The following UNC13C variants were observed in gnomAD, a reference collection of about 807,000 sequenced individuals.
UNC13C encodes protein unc-13 homolog C.
A neutral mutation model predicts 245.4 loss-of-function variants in UNC13C; 174 were observed. The ratio of observed to expected loss-of-function variants is 0.71; its 90% CI spans 0.63 to 0.80. The LOEUF (loss-of-function observed/expected upper bound fraction) is 0.80, where lower values mean the gene tolerates loss of function less well. Ranked by LOEUF, UNC13C falls within the 30% of genes least tolerant of loss-of-function variation. The probability of loss-of-function intolerance (pLI) is 0.00; values close to 1 mark genes in which losing one functional copy is unlikely to be tolerated. For missense variants in UNC13C, 2,829 were observed against 2,602.9 expected, an observed-to-expected ratio of 1.09 and a Z score of -1.89; for synonymous variants, 992 against 895.1, an observed-to-expected ratio of 1.11 and a Z score of -1.93.
chr15:54,444,705 C>T (rs1432005024), intron 19 of UNC13C, among the ~76,000 whole-genome samples: 1 of 150,222 alleles, frequency 6.7e-6, no homozygotes, highest in Non-Finnish European at 1.5e-5. Flanking sequence ...TGTGCTCTAC[C>T]AGTGGGTTTT....
At chr15:54,239,390 A>G (rs766761578) in intron 7 of UNC13C, among the ~76,000 whole-genome samples, 3 of 152,226 alleles carry the variant, frequency 2.0e-5, no homozygotes, top group Non-Finnish European at 4.4e-5. Flanking sequence ...ATTGTGCCAC[A>G]GGAGAAAAAA....
chr15:54,600,735 A>G lies in UNC13C; in HGVS notation c.6107-21592A>G, dbSNP rs566682929. 2.0e-5 allele frequency among the ~76,000 whole-genome samples: 3 copies of G among 152,222 alleles called. No individual in the cohort carries two copies. In the South Asian group the frequency reaches 6.2e-4, roughly 32 times the overall value. On this transcript the variant is annotated intron_variant, in intron 30 of 32. Transcript: ENST00000260323. The stretch of plus-strand genomic sequence containing the variant: ...TTTTATCTTTGAAAACAAAGCTTTC[A>G]TACCTTAAGAAAACCCCATACATAG...
chr15:54,212,055 G>A (rs756281179), intron 4 of UNC13C, among the ~76,000 whole-genome samples: 2 of 152,106 alleles, frequency 1.3e-5, no homozygotes, highest in Admixed American at 6.6e-5. Flanking sequence ...AAGTGACCAA[G>A]TTATGAACAC....
intron 18 of UNC13C, among the ~76,000 whole-genome samples, chr15:54,413,927 G>A (rs1172085539): frequency 6.6e-6 from 1 of 152,120 alleles, no homozygotes; most frequent in Non-Finnish European, 1.5e-5. Flanking sequence ...AATACTTCTA[G>A]TCTTACATTC....
intron 8 of UNC13C, among the ~76,000 whole-genome samples, chr15:54,259,632 G>A (rs1311185360): frequency 6.6e-6 from 1 of 152,196 alleles, no homozygotes; most frequent in African/African-American, 2.4e-5. Context: ...TTTGGGCGAG[G>A]ACACAGCTAA....
At chr15:54,100,818 C>A (rs1186633641) in intron 2 of UNC13C, among the ~76,000 whole-genome samples, 1 of 152,034 alleles carries the variant, frequency 6.6e-6, no homozygotes, top group Admixed American at 6.6e-5. Flanking sequence ...TGGTGACTGA[C>A]CACATGGATT....
intron 2 of UNC13C, among the ~76,000 whole-genome samples, chr15:54,063,793 G>T (rs1333225217): frequency 6.6e-6 from 1 of 152,080 alleles, no homozygotes; most frequent in Non-Finnish European, 1.5e-5. Context: ...AATGCTAATG[G>T]GATATAGCAC....
intron 29 of UNC13C, among the ~76,000 whole-genome samples, chr15:54,557,467 CTGTCCT>C (rs1897136199): frequency 6.6e-6 from 1 of 151,988 alleles, no homozygotes; most frequent in South Asian, 2.1e-4. Context: ...CACCAACTTA[CTGTCCT>C]ACCAAACATT....
At chr15:54,319,123 C>G (rs2038084156) in intron 13 of UNC13C, among the ~76,000 whole-genome samples, 2 of 151,874 alleles carry the variant, frequency 1.3e-5, no homozygotes, top group South Asian at 2.1e-4. Context: ...TAATAACCCC[C>G]TTGTTTTTGA....
At chr15:54,348,362 A>C (rs2038906861) in intron 17 of UNC13C, among the ~76,000 whole-genome samples, 1 of 152,176 alleles carries the variant, frequency 6.6e-6, no homozygotes, top group South Asian at 2.1e-4. Flanking sequence ...TTTCACATGC[A>C]TTAAAATACC....
intron 14 of UNC13C, among the ~76,000 whole-genome samples, chr15:54,330,248 T>C (rs2038404287): frequency 1.3e-5 from 2 of 152,096 alleles, no homozygotes; most frequent in South Asian, 2.1e-4. Context: ...GCACTCTTTT[T>C]AAATCTTTCA....
chr15:53,999,792 G>T (rs1055788498), intron 1 of UNC13C, among the ~76,000 whole-genome samples: 19 of 151,914 alleles, frequency 1.3e-4, no homozygotes, highest in African/African-American at 4.3e-4. Flanking sequence ...TTTGACCCAT[G>T]GATTATTTAG....
chr15:53,989,471 T>C (rs76985542), intron 1 of UNC13C, among the ~76,000 whole-genome samples: 3,649 of 152,118 alleles, frequency 0.024, 210 homozygotes, highest in East Asian at 0.21. Flanking sequence ...GCAGTGGCCT[T>C]AATTAAAACT....
chr15:54,519,348 T>G (rs1319916538), intron 24 of UNC13C, among the ~76,000 whole-genome samples: 2 of 152,150 alleles, frequency 1.3e-5, no homozygotes, highest in East Asian at 3.9e-4. Context: ...ATTCCTTATA[T>G]TCACTAACTC....
intron 10 of UNC13C, among the ~76,000 whole-genome samples, chr15:54,290,625 A>G (rs747768552): frequency 6.6e-5 from 10 of 152,088 alleles, no homozygotes; most frequent in Non-Finnish European, 1.3e-4. Flanking sequence ...AGACACATGC[A>G]TATGTGTGTA....
At chr15:54,016,002 C>A in intron 2 of UNC13C, 116 bp downstream of exon 2, 1 of 901,954 alleles carries the variant, frequency 1.1e-6, no homozygotes, top group Non-Finnish European at 1.6e-6. Context: ...AATGACTTTC[C>A]ATGCTTTACT....
intron 2 of UNC13C, among the ~76,000 whole-genome samples, chr15:54,112,736 G>A (rs1276342419): frequency 6.6e-6 from 1 of 152,096 alleles, no homozygotes; most frequent in Non-Finnish European, 1.5e-5. Flanking sequence ...CCTTACTGAG[G>A]ACTTTCTTAC....
intron 29 of UNC13C, among the ~76,000 whole-genome samples, chr15:54,558,432 T>G (rs909873855): frequency 6.6e-6 from 1 of 151,980 alleles, no homozygotes; most frequent in Non-Finnish European, 1.5e-5. Context: ...ATGTACGAAG[T>G]TTAAGTAAAA....
At chr15:54,058,045 A>T (rs1457115849) in intron 2 of UNC13C, among the ~76,000 whole-genome samples, 1 of 152,206 alleles carries the variant, frequency 6.6e-6, no homozygotes, top group Non-Finnish European at 1.5e-5. Flanking sequence ...CATCAGAATT[A>T]AAAGAAGTAG....
Sources: allele counts gnomAD v4.1 joint callset (sites outside exome capture counted in the v4.1 genomes callset), GRCh38; gene constraint gnomAD v4.1.1; transcripts MANE v1.5; gene names NCBI Gene and HGNC (gene_info 2026-07-23, HGNC 2026-07-21).